The following NEO1 variants were observed in gnomAD, a reference collection of about 807,000 sequenced individuals.
NEO1 encodes neogenin 1, also known as neogenin.
In NEO1, 63 loss-of-function variants were observed where a neutral mutation model predicts 159.7. The ratio of observed to expected loss-of-function variants is 0.39; its 90% CI spans 0.32 to 0.49. The LOEUF (loss-of-function observed/expected upper bound fraction) is 0.49, where lower values mean the gene tolerates loss of function less well. Among genes scored for constraint, NEO1 ranks in the 20% least tolerant of loss-of-function variants. The pLI, the probability that NEO1 is intolerant of heterozygous loss-of-function variation, is 0.85. For synonymous variants in NEO1, 633 were observed against 662.0 expected, an observed-to-expected ratio of 0.96 and a Z score of 0.67; for missense variants, 1,615 against 1,831.0, an observed-to-expected ratio of 0.88 and a Z score of 2.15.
intron 7 of NEO1, among the ~76,000 whole-genome samples, chr15:73,224,213 C>T (rs1288683044): frequency 6.6e-6 from 1 of 152,146 alleles, no homozygotes; most frequent in Non-Finnish European, 1.5e-5. Flanking sequence ...CCTGGTGCTT[C>T]TGTCTCACAG....
intron 22 of NEO1, among the ~76,000 whole-genome samples, chr15:73,280,671 A>G (rs890358794): frequency 1.3e-5 from 2 of 152,162 alleles, no homozygotes; most frequent in African/African-American, 4.8e-5. Context: ...ATATAAAAAC[A>G]TTATTTTATT....
intron 22 of NEO1, among the ~76,000 whole-genome samples, chr15:73,281,035 C>G (rs12910852): frequency 0.08 from 12,025 of 151,036 alleles, 575 homozygotes; most frequent in Non-Finnish European, 0.099. Context: ...GAAACCCCGT[C>G]TCTACTAAAA....
At chr15:73,051,949 C>A, upstream of NEO1, 1 of 152,448 alleles carries the variant, frequency 6.6e-6, no homozygotes, top group Non-Finnish European at 1.5e-5. Flanking sequence ...GAGCTCGGAG[C>A]GCCTCTCGCC....
chr15:73,134,742 G>C (rs2031554055), intron 4 of NEO1, among the ~76,000 whole-genome samples: 1 of 151,960 alleles, frequency 6.6e-6, no homozygotes, highest in Non-Finnish European at 1.5e-5. Flanking sequence ...TAGAGATGGG[G>C]TTTCTCCTGT....
At chr15:73,257,963 G>A (rs2040447162) in intron 13 of NEO1, among the ~76,000 whole-genome samples, 1 of 152,138 alleles carries the variant, frequency 6.6e-6, no homozygotes, top group Non-Finnish European at 1.5e-5. Context: ...GCTTTGTGGG[G>A]CACACAGATG....
chr15:73,260,506 T>A (rs1469246017), intron 15 of NEO1, 41 bp downstream of exon 15: 1 of 1,438,054 alleles, frequency 7.0e-7, no homozygotes, highest in Non-Finnish European at 9.3e-7. Flanking sequence ...TGTGGGAGAT[T>A]CCTTTCTTTT....
intron 6 of NEO1, 99 bp downstream of exon 6, chr15:73,176,656 G>A: frequency 2.4e-6 from 2 of 823,894 alleles, no homozygotes; most frequent in Non-Finnish European, 3.5e-6. Context: ...ACTAGTTTGT[G>A]TACTGCAAAT....
intron 23 of NEO1, among the ~76,000 whole-genome samples, chr15:73,287,837 G>A (rs1004323357): frequency 2.6e-5 from 4 of 151,130 alleles, no homozygotes; most frequent in East Asian, 1.9e-4. Context: ...CCGATATCTC[G>A]CCATTACACT....
intron 7 of NEO1, among the ~76,000 whole-genome samples, chr15:73,200,398 T>C (rs1052484294): frequency 3.4e-5 from 5 of 148,030 alleles, no homozygotes; most frequent in African/African-American, 1.0e-4. Context: ...CTGGGCAACA[T>C]AGCAAACTCC....
At chr15:73,052,413 C>CA (rs2067486880), upstream of NEO1, 3 of 44,220 alleles carry the variant, frequency 6.8e-5, 1 homozygote, top group Non-Finnish European at 1.8e-4. Context: ...CGACCCACCG[C>CA]CCCCCCCCCC....
At chr15:73,140,507 G>A (rs1014127582) in intron 5 of NEO1, among the ~76,000 whole-genome samples, 3 of 152,106 alleles carry the variant, frequency 2.0e-5, no homozygotes, top group Non-Finnish European at 2.9e-5. Context: ...AGTGAACTAC[G>A]ATTGTGCCGC....
intron 1 of NEO1, among the ~76,000 whole-genome samples, chr15:73,096,491 C>T (rs1243762223): frequency 6.6e-6 from 1 of 152,176 alleles, no homozygotes; most frequent in East Asian, 1.9e-4. Context: ...AAATGCAGAC[C>T]AGTCAAGAGC....
chr15:73,179,609 A>G (rs1318208170), intron 7 of NEO1, among the ~76,000 whole-genome samples: 1 of 152,178 alleles, frequency 6.6e-6, no homozygotes, highest in African/African-American at 2.4e-5. Flanking sequence ...CTATTGATAA[A>G]GTTTAATACA....
chr15:73,245,095 T>C (rs184667404), intron 9 of NEO1, among the ~76,000 whole-genome samples: 58 of 152,208 alleles, frequency 3.8e-4, no homozygotes, highest in African/African-American at 1.3e-3. Flanking sequence ...TTTCCTCTGA[T>C]TCTAATATTG....
upstream of NEO1, among the ~76,000 whole-genome samples, chr15:73,052,245 AG>A (rs2067469197): frequency 6.9e-6 from 1 of 144,950 alleles, no homozygotes; most frequent in African/African-American, 2.5e-5. Context: ...CGCGGAGCCG[AG>A]GGGGTGCGGG....
intron 7 of NEO1, among the ~76,000 whole-genome samples, chr15:73,230,458 C>A (rs1415790174): frequency 1.3e-5 from 2 of 152,194 alleles, no homozygotes; most frequent in South Asian, 2.1e-4. Flanking sequence ...AGTCTTCTAC[C>A]TGAGATAGAA....
intron 1 of NEO1, among the ~76,000 whole-genome samples, chr15:73,114,283 G>A (rs2071167620): frequency 6.6e-6 from 1 of 152,154 alleles, no homozygotes; most frequent in South Asian, 2.1e-4. Flanking sequence ...GAAATAGGCA[G>A]AAGCTAGATC....
At chr15:73,191,643 T>C (rs1164955785) in intron 7 of NEO1, among the ~76,000 whole-genome samples, 2 of 151,870 alleles carry the variant, frequency 1.3e-5, no homozygotes, top group African/African-American at 2.4e-5. Context: ...TTTTTCAAAA[T>C]AGACAACAGA....
intron 21 of NEO1, among the ~76,000 whole-genome samples, chr15:73,275,939 C>T (rs1374411585): frequency 6.6e-6 from 1 of 152,164 alleles, no homozygotes; most frequent in African/African-American, 2.4e-5. Flanking sequence ...TGGCTAATGG[C>T]AAGGAAGAGT....
Sources: gnomAD v4.1 joint callset for allele counts (sites outside exome capture counted in the v4.1 genomes callset) on GRCh38, gnomAD v4.1.1 for gene constraint, MANE v1.5 for transcripts, NCBI Gene and HGNC (gene_info 2026-07-23, HGNC 2026-07-21) for gene names.